Variants in MREG observed in about 807,000 individuals in gnomAD.
The protein encoded by MREG is dilute suppressor protein homolog.
Under a neutral mutation model 28.5 loss-of-function variants are expected in MREG, and 31 were observed. The ratio of observed to expected loss-of-function variants is 1.09; its 90% CI spans 0.82 to 1.47. The LOEUF is 1.47. MREG is among the 40% of genes most tolerant of loss of function. The pLI is 0.00. For missense variants in MREG, 256 were observed against 257.4 expected, an observed-to-expected ratio of 0.99 and a Z score of 0.04; for synonymous variants, 106 against 95.2, an observed-to-expected ratio of 1.11 and a Z score of -0.66.
chr2:215,990,875 G>T (rs999168572), intron 2 of MREG, among the ~76,000 whole-genome samples: 8 of 152,160 alleles, frequency 5.3e-5, no homozygotes, highest in Admixed American at 1.3e-4. Context: ...CCCAATACAG[G>T]AGCACCCAGA....
chr2:215,988,416 T>C (rs1302590055), intron 2 of MREG, among the ~76,000 whole-genome samples: 6 of 152,192 alleles, frequency 3.9e-5, no homozygotes, highest in African/African-American at 1.4e-4. Context: ...GGAGATTCTC[T>C]TGGGTGCCTA....
chr2:215,974,155 C>G (rs554151687), intron 2 of MREG, among the ~76,000 whole-genome samples: 1 of 152,216 alleles, frequency 6.6e-6, no homozygotes, highest in African/African-American at 2.4e-5. Context: ...GGCCTGCCTC[C>G]TAGATTGCAA....
chr2:215,941,965 G>T (rs1028730299), downstream of MREG, among the ~76,000 whole-genome samples: 7 of 152,200 alleles, frequency 4.6e-5, no homozygotes, highest in Non-Finnish European at 8.8e-5. Flanking sequence ...CTGGCCTTCA[G>T]AACTGCCACT....
rs796955114 is a variant in MREG, at chr2:216,031,527, AAAAG to A, written c.-68+1258_-68+1261del. On this transcript the variant is annotated intron_variant, in intron 1 of 3. Transcript: ENST00000420348. The stretch of plus-strand genomic sequence containing the variant: ...AGAGAGAAAGGAAGGAAGGGAAAAG[AAAAG>A]AAAGAAGGAAGGAAGGAAAGAGGGA... Among the ~76,000 whole-genome samples the A allele has an allele frequency of 3.3e-3, 491 of 150,348 alleles. 5 individuals carry two copies. Among genetic ancestry groups the A allele is most frequent in the African/African-American group, 0.011 (461 of 40,926 alleles).
At chr2:215,957,699 T>C (rs1158166631) in intron 2 of MREG, among the ~76,000 whole-genome samples, 1 of 152,016 alleles carries the variant, frequency 6.6e-6, no homozygotes, top group Non-Finnish European at 1.5e-5. Context: ...TTACCTAAGG[T>C]ACCTCCTTGG....
intron 2 of MREG, among the ~76,000 whole-genome samples, chr2:215,973,425 G>A (rs2105992316): frequency 6.6e-6 from 1 of 152,292 alleles, no homozygotes; most frequent in East Asian, 1.9e-4. Flanking sequence ...TGCCGAGGCC[G>A]GATTCAAAGA....
chr2:216,023,075 C>T (rs912774445), intron 1 of MREG, among the ~76,000 whole-genome samples: 1 of 152,200 alleles, frequency 6.6e-6, no homozygotes, highest in Admixed American at 6.5e-5. Flanking sequence ...CTCCACAACA[C>T]TCAAGAGATA....
upstream of MREG, among the ~76,000 whole-genome samples, chr2:216,017,651 G>A (rs991580189): frequency 3.3e-5 from 5 of 152,188 alleles, no homozygotes; most frequent in Admixed American, 6.5e-5. Flanking sequence ...CCTGCCATCA[G>A]TGACTCACAG....
At chr2:215,973,184 A>C (rs1420518132) in intron 2 of MREG, among the ~76,000 whole-genome samples, 2 of 152,190 alleles carry the variant, frequency 1.3e-5, no homozygotes, top group African/African-American at 2.4e-5. Flanking sequence ...CCTTGCATGC[A>C]AAGGCAGCCC....
Position 215,942,999 on chromosome 2 carries a change from G to A in MREG, c.*1864C>T, listed in dbSNP as rs1458449312. 6.5e-6 allele frequency: 1 copy of A among 153,214 alleles called. No individual in the cohort carries two copies. The highest frequency in any genetic ancestry group is 1.5e-5 in the Non-Finnish European group (1 of 68,452). The allele number at this position is 153,214 out of a possible 1,614,324, so 9.5% of individuals were successfully genotyped here. A position where few individuals can be genotyped will look rare whatever the true frequency, so the allele number is the denominator to read the frequency against. ...TTCCTGAAACACAGCAGTTAAATTGGTCTACAATGCATTAATAAATGGAGA... is the reference window on the plus strand; with the variant it reads ...TTCCTGAAACACAGCAGTTAAATTGATCTACAATGCATTAATAAATGGAGA... On this transcript the variant is annotated 3_prime_UTR_variant, in exon 5 of 5. Coordinates refer to ENST00000263268, the MANE Select transcript of MREG (RefSeq NM_018000.3).
At chr2:216,010,380 C>G (rs1309791508) in intron 1 of MREG, among the ~76,000 whole-genome samples, 1 of 19,924 alleles carries the variant, frequency 5.0e-5, no homozygotes, top group African/African-American at 2.0e-4. Context: ...TTTTTTGAGA[C>G]GGAGTCTCGC....
chr2:215,991,391 A>G lies in MREG; in HGVS notation c.255+4915T>C, dbSNP rs370673671. Among the ~76,000 whole-genome samples, 113 of 152,346 alleles carry G rather than the reference A, an allele frequency of 7.4e-4. 1 individual carries two copies. The highest frequency in any genetic ancestry group is 2.6e-3 in the African/African-American group (107 of 41,598). On this transcript the variant is annotated intron_variant, in intron 2 of 4. Coordinates refer to ENST00000263268, the MANE Select transcript of MREG (RefSeq NM_018000.3). ...AGAATCTCTGGCACTCAGCTAAAGC[A>G]GTGTTTAGAGGGAAATTTATAGCAC... is the stretch of plus-strand genomic sequence containing the variant.
At chr2:216,013,653 T>C (rs1245576024), upstream of MREG, 2 of 147,018 alleles carry the variant, frequency 1.4e-5, no homozygotes, top group African/African-American at 4.9e-5. Flanking sequence ...AAGCAGGGAC[T>C]CCAGCCAGTC....
intron 2 of MREG, among the ~76,000 whole-genome samples, chr2:215,948,162 G>T (rs1355898241): frequency 6.6e-6 from 1 of 152,158 alleles, no homozygotes; most frequent in Non-Finnish European, 1.5e-5. Context: ...TACAAGGCTT[G>T]CCTTGTTGAT....
In MREG at chr2:215,949,088, T is replaced by TAAC. The variant is rs1553546694; in HGVS notation, c.256-1976_256-1975insGTT. On this transcript the variant is annotated intron_variant, in intron 2 of 4. Transcript: ENST00000263268. Reference sequence around the variant, plus strand: ...CTACTACTACTACTACTACTACTACTAATAATAATAATAATAATACAAAAA... The same window carrying TAAC: ...CTACTACTACTACTACTACTACTACTAACAATAATAATAATAATAATACAAAAA... Among the ~76,000 whole-genome samples, 487 of 116,622 alleles carry TAAC rather than the reference T, an allele frequency of 4.2e-3. 1 individual carries two copies. The highest frequency in any genetic ancestry group is 7.6e-3 in the South Asian group (29 of 3,828). 76.5% of individuals were successfully genotyped at this position (116,622 alleles called of 152,430 possible). A position where few individuals can be genotyped will look rare whatever the true frequency, so the allele number is the denominator to read the frequency against.
At chr2:216,021,745 A>G (rs890452441) in intron 1 of MREG, among the ~76,000 whole-genome samples, 3 of 152,198 alleles carry the variant, frequency 2.0e-5, no homozygotes, top group Non-Finnish European at 4.4e-5. Context: ...CCTTAGTACA[A>G]TTTCATGGGA....
At position 215,998,052 on chromosome 2, in the gene MREG, C is replaced by T. The variant is rs113845776; in HGVS notation, c.96-1587G>A. On this transcript the variant is annotated intron_variant, in intron 1 of 4. Coordinates refer to ENST00000263268, the MANE Select transcript of MREG (RefSeq NM_018000.3). ...GGGCACGGTGGCTCACGCCTGTGATCCCAACACTTTGGGAGGCTGAGGCAG... is the reference window on the plus strand; with the variant it reads ...GGGCACGGTGGCTCACGCCTGTGATTCCAACACTTTGGGAGGCTGAGGCAG... Among the ~76,000 whole-genome samples, 197 of 152,234 alleles carry T rather than the reference C, an allele frequency of 1.3e-3. 2 individuals are homozygous for T. The highest frequency in any genetic ancestry group is 4.3e-3 in the African/African-American group (180 of 41,538).
chr2:216,029,943 C>G (rs1000816793), intron 1 of MREG, among the ~76,000 whole-genome samples: 6 of 152,156 alleles, frequency 3.9e-5, no homozygotes, highest in Non-Finnish European at 8.8e-5. Flanking sequence ...GGCCTGTGGT[C>G]GGTGCACATG....
chr2:216,030,946 TCTCTCTCTCTCACACACA>T (rs1342776652), intron 1 of MREG, among the ~76,000 whole-genome samples: 13 of 89,308 alleles, frequency 1.5e-4, no homozygotes, highest in African/African-American at 4.7e-4. Flanking sequence ...TCTCTCTCTC[TCTCTCTCTCTCACACACA>T]CACACACACA....
Sources: allele counts gnomAD v4.1 joint callset (sites outside exome capture counted in the v4.1 genomes callset), GRCh38; gene constraint gnomAD v4.1.1; transcripts MANE v1.5; gene names NCBI Gene and HGNC (gene_info 2026-07-23, HGNC 2026-07-21).